Variants in CRTC1 observed in about 807,000 individuals in gnomAD.
CRTC1 encodes the protein CREB-regulated transcription coactivator 1.
In CRTC1, 18 loss-of-function variants were observed where a neutral mutation model predicts 66.1. That is an observed-to-expected ratio of 0.27 (90% CI 0.19 to 0.40). The LOEUF is 0.40. Ranked by LOEUF, CRTC1 falls within the 10% of genes least tolerant of loss-of-function variation. The probability of loss-of-function intolerance (pLI) is 1.00; values close to 1 mark genes in which losing one functional copy is unlikely to be tolerated. For synonymous variants in CRTC1, 416 were observed against 398.8 expected (o/e 1.04, Z -0.51); for missense variants, 669 against 887.9 (o/e 0.75, Z 3.13).
intron 2 of CRTC1, among the ~76,000 whole-genome samples, chr19:18,745,245 G>A (rs1349445767): frequency 6.6e-6 from 1 of 152,196 alleles, no homozygotes; most frequent in East Asian, 1.9e-4. Context: ...TGGAGTGCCT[G>A]GAGGAGGCTG....
intron 8 of CRTC1, among the ~76,000 whole-genome samples, chr19:18,762,156 G>A (rs1228019178): frequency 2.6e-5 from 4 of 152,196 alleles, no homozygotes; most frequent in Admixed American, 2.6e-4. Flanking sequence ...TCTCTTCACG[G>A]CCACCAGAGC....
At chr19:18,746,643 CTGGGCCCCAGACTGAGCCCT>C (rs1183535593) in intron 3 of CRTC1, among the ~76,000 whole-genome samples, 1 of 152,158 alleles carries the variant, frequency 6.6e-6, no homozygotes, top group Non-Finnish European at 1.5e-5. Flanking sequence ...GCTTGACCAG[CTGGGCCCCAGACTGAGCCCT>C]TGGGCCCCAG....
chr19:18,696,605 CTTG>C (rs2052994374), intron 1 of CRTC1, among the ~76,000 whole-genome samples: 1 of 152,106 alleles, frequency 6.6e-6, no homozygotes, highest in Admixed American at 6.5e-5. Context: ...TGCGGAGGAC[CTTG>C]TTGTACGCTG....
chr19:18,720,268 A>G (rs144065043), intron 1 of CRTC1, among the ~76,000 whole-genome samples: 5,556 of 152,180 alleles, frequency 0.037, 359 homozygotes, highest in African/African-American at 0.13. Context: ...GGTTCAAGCA[A>G]TTCTCCTGCC....
Position 18,768,787 on chromosome 19 carries a change from C to T in CRTC1, c.1314C>T (p.Ile438=), listed in dbSNP as rs767684696. The T allele has an allele frequency of 1.7e-5, 27 of 1,598,158 alleles. No homozygotes were observed. The highest frequency in any genetic ancestry group is 1.9e-4 in the Middle Eastern group (1 of 5,268). Residue 438 remains isoleucine (I), a synonymous_variant, in exon 10 of 14, where the codon ATC becomes ATT. Coordinates refer to ENST00000321949, the MANE Select transcript of CRTC1 (RefSeq NM_015321.3). This position sits in a 1 kb window ranked among gnomAD's most constrained non-coding sequence, Gnocchi z 5.6. ...NPGQPSMGID[I]ASAPALQQYR... ...GCCAGCCATCGATGGGGATCGACAT[C>T]GCCTCGGTAAGCCCAGGGTGGGGTC...
chr19:18,731,074 G>T (rs1215344788), intron 1 of CRTC1, among the ~76,000 whole-genome samples: 1 of 152,168 alleles, frequency 6.6e-6, no homozygotes, highest in African/African-American at 2.4e-5. Flanking sequence ...CCACCTCCTG[G>T]ACTCAAACAG....
chr19:18,730,347 C>A (rs11880800), intron 1 of CRTC1, among the ~76,000 whole-genome samples: 2 of 151,932 alleles, frequency 1.3e-5, no homozygotes, highest in African/African-American at 2.4e-5. Context: ...ACCGAGCCCC[C>A]CTGCTTCACA....
chr19:18,731,161 T>C (rs2053880439), intron 1 of CRTC1, among the ~76,000 whole-genome samples: 1 of 152,206 alleles, frequency 6.6e-6, no homozygotes, highest in South Asian at 2.1e-4. Flanking sequence ...TTTCTTAGGC[T>C]GCCATAGCAA....
At chr19:18,757,420 AC>A (rs967548885) in intron 6 of CRTC1, among the ~76,000 whole-genome samples, 4 of 152,052 alleles carry the variant, frequency 2.6e-5, no homozygotes, top group African/African-American at 9.7e-5. Flanking sequence ...GGGCCAACTC[AC>A]CGGCCTCTGT....
At chr19:18,724,547 T>C (rs2053700368) in intron 1 of CRTC1, among the ~76,000 whole-genome samples, 1 of 151,672 alleles carries the variant, frequency 6.6e-6, no homozygotes, top group Non-Finnish European at 1.5e-5. Context: ...AATCCAGGTG[T>C]CGGCAGGGCC....
chr19:18,698,028 G>T (rs1288596745), intron 1 of CRTC1, among the ~76,000 whole-genome samples: 1 of 151,998 alleles, frequency 6.6e-6, no homozygotes, highest in Non-Finnish European at 1.5e-5. Flanking sequence ...TGTGTGTTCT[G>T]CAGGTGCTCA....
At chr19:18,701,309 G>A (rs983439983) in intron 1 of CRTC1, among the ~76,000 whole-genome samples, 3 of 152,244 alleles carry the variant, frequency 2.0e-5, no homozygotes, top group African/African-American at 7.2e-5. Flanking sequence ...CTGTAAAAAG[G>A]GGGTGCTCAC....
In CRTC1 at chr19:18,731,119, G is replaced by A. The variant is rs116580376; in HGVS notation, c.127-11791G>A. Among the ~76,000 whole-genome samples the A allele has an allele frequency of 3.9e-3, 598 of 152,294 alleles. 10 individuals carry two copies. Among genetic ancestry groups the A allele is most frequent in the African/African-American group, 0.014 (568 of 41,522 alleles). On this transcript the variant is annotated intron_variant, in intron 1 of 13. Coordinates refer to ENST00000321949, the MANE Select transcript of CRTC1 (RefSeq NM_015321.3). Reference sequence around the variant, plus strand: ...TGCCTCCCGTGTTGCTGGGACTACAGGTGTGTGCCAATGTGCTCAGCCTGG... The same window carrying A: ...TGCCTCCCGTGTTGCTGGGACTACAAGTGTGTGCCAATGTGCTCAGCCTGG...
intron 9 of CRTC1, among the ~76,000 whole-genome samples, chr19:18,765,913 A>C (rs2054723214): frequency 6.6e-6 from 1 of 152,056 alleles, no homozygotes; most frequent in Non-Finnish European, 1.5e-5. Flanking sequence ...GTGAGCCATG[A>C]TCACACCACT....
At chr19:18,744,857 C>G (rs1311598114) in intron 2 of CRTC1, among the ~76,000 whole-genome samples, 3 of 152,198 alleles carry the variant, frequency 2.0e-5, no homozygotes, top group Non-Finnish European at 4.4e-5. Context: ...CAGCCCTGAA[C>G]TCTGGCCGAG....
intron 1 of CRTC1, among the ~76,000 whole-genome samples, chr19:18,709,956 G>A (rs987017880): frequency 1.3e-5 from 2 of 152,126 alleles, no homozygotes; most frequent in African/African-American, 2.4e-5. Flanking sequence ...GCGGCTTCTC[G>A]TCCCACCCAG....
intron 5 of CRTC1, among the ~76,000 whole-genome samples, chr19:18,751,255 G>T (rs1015446998): frequency 6.6e-6 from 1 of 151,750 alleles, no homozygotes; most frequent in African/African-American, 2.4e-5. Context: ...TGGGTGTGGT[G>T]GCTCACGCCT....
chr19:18,692,342 C>T (rs539924836), intron 1 of CRTC1, among the ~76,000 whole-genome samples: 1 of 152,318 alleles, frequency 6.6e-6, no homozygotes, highest in South Asian at 2.1e-4. Flanking sequence ...GGTTCCTTGC[C>T]ACTGGCTAAA....
intron 1 of CRTC1, among the ~76,000 whole-genome samples, chr19:18,718,791 C>T (rs913641527): frequency 3.3e-5 from 5 of 152,098 alleles, no homozygotes; most frequent in Non-Finnish European, 7.4e-5. Context: ...GTCTTCATTT[C>T]GTGGGGGCAT....
Sources: gnomAD v4.1 joint callset for allele counts (sites outside exome capture counted in the v4.1 genomes callset) on GRCh38, gnomAD v4.1.1 for gene constraint, Gnocchi (gnomAD v3.1) non-coding constraint, MANE v1.5 for transcripts, NCBI Gene and HGNC (gene_info 2026-07-23, HGNC 2026-07-21) for gene names.